The following DIXDC1 variants were observed in gnomAD, a reference collection of about 807,000 sequenced individuals.
DIXDC1 encodes DIX domain containing 1.
A neutral mutation model predicts 103.1 loss-of-function variants in DIXDC1; 64 were observed. The observed-to-expected ratio is 0.62, with a 90% confidence interval of 0.51 to 0.76. The LOEUF (loss-of-function observed/expected upper bound fraction) is 0.76. DIXDC1 is among the 30% of genes least tolerant of loss of function. The probability of loss-of-function intolerance (pLI) is 0.00; values close to 1 mark genes in which losing one functional copy is unlikely to be tolerated. For missense variants in DIXDC1, 759 were observed against 834.2 expected (o/e 0.91, Z 1.11); for synonymous variants, 266 against 298.5 (o/e 0.89, Z 1.12).
At position 111,968,620 on chromosome 11, in the gene DIXDC1, C is replaced by T. The variant is rs1859811979; in HGVS notation, c.298C>T (p.His100Tyr). The change falls in exon 3 of 20, where the codon CAC becomes TAC. Residue 100 changes from histidine (H) to tyrosine (Y), a missense_variant. Physicochemically the swap from His to Tyr is moderately conservative, Grantham distance 83. Coordinates refer to ENST00000440460, the MANE Select transcript of DIXDC1 (RefSeq NM_001037954.4). ...TGTGGCCTCTAAAAAGATTCGTATG[C>T]ACCAGACTTCGGCTAAAGGTCAGTG... is the stretch of plus-strand genomic sequence containing the variant. ...QFVASKKIRM[H>Y]QTSAKDIVDG... 1 of 1,609,644 alleles carries T rather than the reference C, an allele frequency of 6.2e-7. No homozygotes were observed. Among genetic ancestry groups the T allele is most frequent in the South Asian group, 1.1e-5 (1 of 90,098 alleles).
Position 111,995,528 on chromosome 11 carries a change from G to C in DIXDC1, c.1653G>C (p.Leu551=), listed in dbSNP as rs1451997031. The change falls in exon 16 of 20, where the codon CTG becomes CTC. Residue 551 remains leucine (L), a synonymous_variant. Coordinates refer to ENST00000440460, the MANE Select transcript of DIXDC1 (RefSeq NM_001037954.4). ...EQGISSLMER[L]HVMETQKKQE... ...GCATTTCTAGCCTCATGGAGCGCCT[G>C]CATGTTATGGAGACGCAGAAGAAAC... is the stretch of plus-strand genomic sequence containing the variant. 1 of 1,614,020 alleles carries C rather than the reference G, an allele frequency of 6.2e-7. No individual in the cohort carries two copies. Among genetic ancestry groups the C allele is most frequent in the Admixed American group, 1.7e-5 (1 of 60,032 alleles).
In DIXDC1 at chr11:111,968,539, C is replaced by G; in HGVS notation, c.217C>G (p.Leu73Val). ...VAGEKLSGVQ[L>V]SPGNQQEMKN... ...AGGAGAAAAGCTGAGTGGGGTACAG[C>G]TGAGTCCCGGTAACCAACAGGAGAT... The change falls in exon 3 of 20, where the codon CTG becomes GTG. Residue 73 changes from leucine to valine, a missense_variant. Physicochemically the swap from Leu to Val is conservative, Grantham distance 32. Transcript: ENST00000440460. 1 of 1,613,170 alleles carries G rather than the reference C, an allele frequency of 6.2e-7. No homozygotes were observed.
chr11:112,012,437 T>C (rs1289194516), intron 17 of DIXDC1, among the ~76,000 whole-genome samples: 1 of 152,218 alleles, frequency 6.6e-6, no homozygotes, highest in Non-Finnish European at 1.5e-5. Flanking sequence ...TCTACAATAG[T>C]GCAAAGACAA....
intron 1 of DIXDC1, among the ~76,000 whole-genome samples, chr11:111,948,332 C>T (rs1411172125): frequency 6.6e-6 from 1 of 152,160 alleles, no homozygotes. Flanking sequence ...TTCTCCTTTC[C>T]TTCCTGTCCT....
At chr11:111,943,037 G>A (rs1555169014) in intron 1 of DIXDC1, among the ~76,000 whole-genome samples, 1 of 152,202 alleles carries the variant, frequency 6.6e-6, no homozygotes, top group Non-Finnish European at 1.5e-5. Context: ...GCTGGACAAA[G>A]GGATGAGTCA....
chr11:111,937,444 A>AGGC lies in DIXDC1; in HGVS notation c.-46_-44dup, dbSNP rs1966245161. The AGGC allele has an allele frequency of 1.3e-5, 20 of 1,548,790 alleles. No individual in the cohort carries two copies. The highest frequency in any genetic ancestry group is 4.0e-5 in the Admixed American group (2 of 50,106). ...CTTTGTGTGCAGAGGGAGGAGGAGG[A>AGGC]GGCGGCGGCGGCCGCCGGGCTGGAG... On this transcript the variant is annotated 5_prime_UTR_variant, in exon 1 of 20. Transcript: ENST00000440460.
chr11:111,990,079 C>T (rs587671194), intron 10 of DIXDC1, among the ~76,000 whole-genome samples: 9 of 148,586 alleles, frequency 6.1e-5, no homozygotes, highest in Non-Finnish European at 4.5e-5. Flanking sequence ...TGTGAGCCAC[C>T]GCGCCCGGCC....
At chr11:111,942,767 G>T (rs1478433718) in intron 1 of DIXDC1, among the ~76,000 whole-genome samples, 1 of 152,100 alleles carries the variant, frequency 6.6e-6, no homozygotes, top group Non-Finnish European at 1.5e-5. Context: ...TGACCACTGG[G>T]CTGAATACTA....
intron 1 of DIXDC1, among the ~76,000 whole-genome samples, chr11:111,943,097 C>T (rs1258114263): frequency 6.6e-6 from 1 of 150,840 alleles, no homozygotes; most frequent in African/African-American, 2.5e-5. Context: ...TCACACTACT[C>T]AGAGTGTTGG....
At chr11:111,992,349 A>T in intron 10 of DIXDC1, 66 bp from the exon 11 acceptor site, 1 of 1,382,704 alleles carries the variant, frequency 7.2e-7, no homozygotes, top group Non-Finnish European at 1.0e-6. Flanking sequence ...GGCTTTAGTA[A>T]TTTGTAATAA....
At chr11:111,984,602 G>A (rs1328611278) in intron 7 of DIXDC1, among the ~76,000 whole-genome samples, 2 of 152,106 alleles carry the variant, frequency 1.3e-5, no homozygotes, top group Non-Finnish European at 2.9e-5. Context: ...TGCATGCGGG[G>A]GGCCTACAGC....
chr11:111,929,068 A>G (rs1401445492), intron 1 of DIXDC1, among the ~76,000 whole-genome samples: 2 of 151,900 alleles, frequency 1.3e-5, no homozygotes, highest in Non-Finnish European at 1.5e-5. Flanking sequence ...AGTTCCAGCT[A>G]CTCGGGAGGC....
chr11:111,955,662 C>T (rs1966901603), intron 1 of DIXDC1, among the ~76,000 whole-genome samples: 2 of 151,290 alleles, frequency 1.3e-5, no homozygotes. Context: ...TGGTGAAACC[C>T]CATCTCTACT....
At chr11:112,000,209 T>C (rs587646324) in intron 17 of DIXDC1, among the ~76,000 whole-genome samples, 1 of 152,246 alleles carries the variant, frequency 6.6e-6, no homozygotes, top group East Asian at 1.9e-4. Flanking sequence ...TTAAAAACTT[T>C]TGTGTATAAA....
chr11:111,962,425 T>C (rs887288258), intron 1 of DIXDC1, among the ~76,000 whole-genome samples: 6 of 151,260 alleles, frequency 4.0e-5, no homozygotes, highest in Non-Finnish European at 8.8e-5. Context: ...GAGGTTGCAA[T>C]GAGCTGAGAT....
intron 3 of DIXDC1, among the ~76,000 whole-genome samples, 193 bp downstream of exon 3, chr11:111,968,831 A>G (rs1480551563): frequency 3.3e-5 from 5 of 151,966 alleles, no homozygotes; most frequent in African/African-American, 1.2e-4. Context: ...CTGGAGTGCA[A>G]TGGCACAATC....
chr11:112,009,715 A>G (rs908779665), intron 17 of DIXDC1, among the ~76,000 whole-genome samples: 2 of 152,246 alleles, frequency 1.3e-5, no homozygotes, highest in African/African-American at 4.8e-5. Flanking sequence ...AAACCACATG[A>G]TTATCTCAAT....
rs587608576 is a variant in DIXDC1, at chr11:111,930,398, G to A, written c.57+488G>A. Among the ~76,000 whole-genome samples the A allele has an allele frequency of 2.6e-5, 4 of 152,120 alleles. No individual in the cohort carries two copies. The East Asian group carries it at 7.7e-4, about 29-fold the overall frequency. On this transcript the variant is annotated intron_variant, in intron 2 of 5. Coordinates refer to the DIXDC1 transcript ENST00000529225. ...GGGTTCAAGCAATTCTCCTGCCCCA[G>A]CCTTCTGAGTAGCTGGGACTACAGG...
chr11:111,953,227 C>T (rs587700170), intron 1 of DIXDC1, among the ~76,000 whole-genome samples: 4 of 151,944 alleles, frequency 2.6e-5, no homozygotes, highest in South Asian at 2.1e-4. Flanking sequence ...GGATAGGGTG[C>T]GGAGAGGTAC....
Sources: allele counts gnomAD v4.1 joint callset (sites outside exome capture counted in the v4.1 genomes callset), GRCh38; gene constraint gnomAD v4.1.1; transcripts MANE v1.5; gene names NCBI Gene and HGNC (gene_info 2026-07-23, HGNC 2026-07-21).